Variants in TYW5 observed in about 807,000 individuals in gnomAD.
TYW5 encodes tRNA wybutosine-synthesizing protein 5.
A neutral mutation model predicts 44.4 loss-of-function variants in TYW5; 36 were observed. The ratio of observed to expected loss-of-function variants is 0.81; its 90% confidence interval spans 0.62 to 1.07. The LOEUF is 1.07. Ranked by LOEUF, TYW5 falls within the 50% of genes least tolerant of loss-of-function variation. TYW5 has a pLI of 0.00. For missense variants in TYW5, 354 were observed against 365.7 expected (o/e 0.97, Z 0.26); for synonymous variants, 121 against 128.1 (o/e 0.94, Z 0.37).
intron 5 of TYW5, 99 bp downstream of exon 5, chr2:199,938,832 CAG>C: frequency 8.1e-7 from 1 of 1,241,280 alleles, no homozygotes; most frequent in Non-Finnish European, 1.1e-6. Context: ...GCAAATTACA[CAG>C]ATGTTTAGGG....
chr2:199,949,909 C>T (rs1198688749), intron 1 of TYW5, among the ~76,000 whole-genome samples: 1 of 151,668 alleles, frequency 6.6e-6, no homozygotes, highest in African/African-American at 2.4e-5. Context: ...ATTTTGATAC[C>T]CAAATTATCC....
At chr2:199,954,063 T>C (rs145371383) in intron 1 of TYW5, among the ~76,000 whole-genome samples, 1 of 150,992 alleles carries the variant, frequency 6.6e-6, no homozygotes, top group East Asian at 2.0e-4. Context: ...CGTAGGTTGC[T>C]ATCAAAAGAA....
At chr2:199,947,410 T>C (rs1263412025) in intron 2 of TYW5, 2 of 152,230 alleles carry the variant, frequency 1.3e-5, no homozygotes, top group Non-Finnish European at 2.9e-5. Flanking sequence ...AAAACTTTCA[T>C]CTTTAGACAA....
Position 199,933,006 on chromosome 2 carries a change from CTTTAA to C in TYW5, c.*56_*60del, listed in dbSNP as rs1303471227. 3.9e-5 allele frequency: 60 copies of C among 1,547,162 alleles called. No individual in the cohort carries two copies. Among genetic ancestry groups the C allele is most frequent in the Non-Finnish European group, 5.0e-5 (57 of 1,148,198 alleles). The stretch of plus-strand genomic sequence containing the variant: ...TGTATCTTTCCTATTTTAACAAAAT[CTTTAA>C]TTTATATCGTTATACCTTACTAAAG... On this transcript the variant is annotated 3_prime_UTR_variant, in exon 8 of 8. Coordinates refer to ENST00000354611, the MANE Select transcript of TYW5 (RefSeq NM_001039693.3).
intron 3 of TYW5, 159 bp downstream of exon 3, chr2:199,943,606 A>C (rs2077482063): frequency 3.4e-6 from 2 of 581,048 alleles, no homozygotes; most frequent in East Asian, 6.2e-5. Flanking sequence ...TTGAGAGCTA[A>C]TAAATAGCAG....
intron 4 of TYW5, among the ~76,000 whole-genome samples, chr2:199,939,765 A>G (rs979164683): frequency 3.3e-5 from 5 of 152,246 alleles, no homozygotes; most frequent in Non-Finnish European, 7.3e-5. Flanking sequence ...TATACAATGA[A>G]CTATTCAGGA....
At chr2:199,938,133 C>T (rs1275740986) in intron 5 of TYW5, among the ~76,000 whole-genome samples, 1 of 151,338 alleles carries the variant, frequency 6.6e-6, no homozygotes, top group South Asian at 2.1e-4. Flanking sequence ...GGTGCGATCT[C>T]GGCTCACTGC....
At chr2:199,953,724 T>C (rs2077566789) in intron 1 of TYW5, among the ~76,000 whole-genome samples, 1 of 152,226 alleles carries the variant, frequency 6.6e-6, no homozygotes, top group Admixed American at 6.5e-5. Context: ...TACTTTTTAG[T>C]GTTTCCAGAT....
chr2:199,948,032 C>T, intron 2 of TYW5: 1 of 275,908 alleles, frequency 3.6e-6, no homozygotes, highest in Non-Finnish European at 6.9e-6. Context: ...GCAGAGGTTG[C>T]AGTGAGCCAA....
At chr2:199,952,763 C>A (rs1389807447) in intron 1 of TYW5, among the ~76,000 whole-genome samples, 1 of 152,240 alleles carries the variant, frequency 6.6e-6, no homozygotes, top group Non-Finnish European at 1.5e-5. Flanking sequence ...ATATTTTCTA[C>A]TAGCACTTGT....
chr2:199,955,020 G>A (rs1295177155), intron 1 of TYW5, among the ~76,000 whole-genome samples: 1 of 152,166 alleles, frequency 6.6e-6, no homozygotes, highest in Non-Finnish European at 1.5e-5. Flanking sequence ...ACGAGTAGGA[G>A]TTTTCCGGGG....
Position 199,929,392 on chromosome 2 carries a change from T to G in TYW5, c.*3675A>C, listed in dbSNP as rs982461391. Among the ~76,000 whole-genome samples, 1 of 152,110 alleles carries G rather than the reference T, an allele frequency of 6.6e-6. No individual in the cohort carries two copies. Among genetic ancestry groups the G allele is most frequent in the African/African-American group, 2.4e-5 (1 of 41,376 alleles). On this transcript the variant is annotated 3_prime_UTR_variant, in exon 8 of 8. Coordinates refer to ENST00000354611, the MANE Select transcript of TYW5 (RefSeq NM_001039693.3). ...TATATTTAAGACACCCAAAAACTTG[T>G]GGCTTGTATGCTTGAAACAAGACTA... is the stretch of plus-strand genomic sequence containing the variant.
chr2:199,934,727 C>G (rs1336762945), intron 7 of TYW5, among the ~76,000 whole-genome samples: 1 of 151,910 alleles, frequency 6.6e-6, no homozygotes, highest in Admixed American at 6.6e-5. Flanking sequence ...GGAACTACAA[C>G]TATAAATAGA....
chr2:199,940,019 C>T, intron 4 of TYW5, 70 bp downstream of exon 4: 1 of 1,387,386 alleles, frequency 7.2e-7, no homozygotes, highest in Non-Finnish European at 1.0e-6. Flanking sequence ...TATAAAATTA[C>T]AGTGTTGCCA....
intron 1 of TYW5, among the ~76,000 whole-genome samples, chr2:199,952,623 C>T (rs2077554712): frequency 6.6e-6 from 1 of 152,112 alleles, no homozygotes; most frequent in Admixed American, 6.5e-5. Context: ...ATTTGTCTTT[C>T]AAATTTGCTT....
At chr2:199,953,151 G>A (rs1194949347) in intron 1 of TYW5, among the ~76,000 whole-genome samples, 2 of 152,064 alleles carry the variant, frequency 1.3e-5, no homozygotes, top group Non-Finnish European at 2.9e-5. Context: ...GCGAAACTCC[G>A]CCTCTACTAA....
intron 2 of TYW5, 22 bp from the exon 3 acceptor site, chr2:199,943,856 C>T: frequency 6.3e-7 from 1 of 1,586,758 alleles, no homozygotes; most frequent in Non-Finnish European, 8.6e-7. Flanking sequence ...ACAAAGGAAT[C>T]CTTGGACTTA....
At chr2:199,941,018 T>G (rs1454357804) in intron 3 of TYW5, among the ~76,000 whole-genome samples, 1 of 152,192 alleles carries the variant, frequency 6.6e-6, no homozygotes, top group East Asian at 1.9e-4. Context: ...TTCATTGTAG[T>G]AAACGTAAAC....
chr2:199,936,074 T>C (rs1195191679), intron 6 of TYW5, 27 bp from the exon 7 acceptor site: 4 of 1,260,600 alleles, frequency 3.2e-6, no homozygotes, highest in Admixed American at 2.0e-5. Context: ...AGGGATAATA[T>C]AGATTCAGCA....
Sources: gnomAD v4.1 joint callset for allele counts (sites outside exome capture counted in the v4.1 genomes callset) on GRCh38, gnomAD v4.1.1 for gene constraint, MANE v1.5 for transcripts, NCBI Gene and HGNC (gene_info 2026-07-23, HGNC 2026-07-21) for gene names.